PIEZO2: variants seen among roughly 807,000 people sequenced by gnomAD.
PIEZO2 encodes piezo type mechanosensitive ion channel component 2, also known as piezo-type mechanosensitive ion channel component 2.
A neutral mutation model predicts 337.3 loss-of-function variants in PIEZO2; 172 were observed. The observed-to-expected ratio is 0.51, with a 90% CI of 0.45 to 0.58. PIEZO2 has a LOEUF of 0.58. Among genes scored for constraint, PIEZO2 ranks in the 20% least tolerant of loss-of-function variants. The pLI, the probability that PIEZO2 is intolerant of heterozygous loss-of-function variation, is 0.00. For missense variants in PIEZO2, 3,028 were observed against 3,391.3 expected (o/e 0.89, Z 2.66); for synonymous variants, 1,251 against 1,228.5 (o/e 1.02, Z -0.38).
At chr18:10,691,153 G>A (rs2034804266) in intron 48 of PIEZO2, 72 bp downstream of exon 48, 2 of 1,504,294 alleles carry the variant, frequency 1.3e-6, no homozygotes. Context: ...TTACTTCCCA[G>A]TTGGGAATCA....
chr18:11,135,962 G>A (rs1289812479), intron 1 of PIEZO2, among the ~76,000 whole-genome samples: 1 of 152,196 alleles, frequency 6.6e-6, no homozygotes, highest in African/African-American at 2.4e-5. Flanking sequence ...ATAAGGATAA[G>A]ATAATATCTG....
chr18:11,057,948 T>A (rs753423689), intron 2 of PIEZO2, among the ~76,000 whole-genome samples: 1 of 152,228 alleles, frequency 6.6e-6, no homozygotes, highest in African/African-American at 2.4e-5. Context: ...AACATAGGCA[T>A]GGGAAAGCAT....
Position 10,973,205 on chromosome 18 carries a change from C to T in PIEZO2, c.286+6330G>A, listed in dbSNP as rs770959418. On this transcript the variant is annotated intron_variant, in intron 3 of 55. Coordinates refer to ENST00000674853, the MANE Select transcript of PIEZO2 (RefSeq NM_001378183.1). The surrounding 1 kb of genome is among the most constrained non-coding windows in gnomAD (Gnocchi z 4.9). ...GGCATTGGCCTAAGGGTTGTTCATA[C>T]GGGTGGGTGTCATGCAGTGCTACCA... 2.6e-4 allele frequency among the ~76,000 whole-genome samples: 40 copies of T among 152,308 alleles called. 1 individual carries two copies. The highest frequency in any genetic ancestry group is 2.1e-3 in the Admixed American group (32 of 15,304).
chr18:10,778,449 T>C (rs1389848239), intron 18 of PIEZO2, among the ~76,000 whole-genome samples: 1 of 150,960 alleles, frequency 6.6e-6, no homozygotes, highest in Non-Finnish European at 1.5e-5. Context: ...TCTCCTCCCT[T>C]AGCCTCCCGA....
At chr18:10,790,723 T>TTG (rs1472530554) in intron 14 of PIEZO2, among the ~76,000 whole-genome samples, 3 of 133,442 alleles carry the variant, frequency 2.2e-5, no homozygotes, top group African/African-American at 8.8e-5. Flanking sequence ...TTTTTTTTTT[T>TTG]GAGAGGGAGA....
intron 35 of PIEZO2, among the ~76,000 whole-genome samples, chr18:10,734,100 T>C (rs371965652): frequency 8.9e-4 from 136 of 152,346 alleles, no homozygotes; most frequent in African/African-American, 2.8e-3. Context: ...ACCTTCTTTA[T>C]GTTGTCTGTA....
chr18:10,750,656 G>A lies in PIEZO2; in HGVS notation c.4168-469C>T, dbSNP rs2037612320. 6.6e-6 allele frequency among the ~76,000 whole-genome samples: 1 copy of A among 152,136 alleles called. No individual in the cohort carries two copies. The highest frequency in any genetic ancestry group is 1.5e-5 in the Non-Finnish European group (1 of 68,022). On this transcript the variant is annotated intron_variant, in intron 28 of 55. Transcript: ENST00000674853. This position sits in a 1 kb window ranked among gnomAD's most constrained non-coding sequence, Gnocchi z 4.1. ...AGAGTATGTGTTTTGAGTCTTGTTT[G>A]ACCAATTCTCTCGGTAAAGGAGTAT...
rs911020897 is a variant in PIEZO2 at position 11,047,863 on chromosome 18, G to T, written c.160+18264C>A. Among the ~76,000 whole-genome samples, 1 of 152,156 alleles carries T rather than the reference G, an allele frequency of 6.6e-6. No individual in the cohort carries two copies. The highest frequency in any genetic ancestry group is 1.5e-5 in the Non-Finnish European group (1 of 68,030). ...TGATGTTTGAGGGTGACATTCCTTT[G>T]CACCTAAGTGCAAAGGGACCTGTAA... is the stretch of plus-strand genomic sequence containing the variant. On this transcript the variant is annotated intron_variant, in intron 2 of 55. Transcript: ENST00000674853. The surrounding 1 kb of genome is among the most constrained non-coding windows in gnomAD (Gnocchi z 7.2).
At chr18:10,695,018 C>A (rs1463540628) in intron 47 of PIEZO2, among the ~76,000 whole-genome samples, 2 of 152,192 alleles carry the variant, frequency 1.3e-5, no homozygotes, top group Non-Finnish European at 2.9e-5. Flanking sequence ...ATCAGATATG[C>A]TTATTAAAAA....
At chr18:10,700,952 G>A (rs1426309703) in intron 43 of PIEZO2, among the ~76,000 whole-genome samples, 2 of 152,208 alleles carry the variant, frequency 1.3e-5, no homozygotes, top group Non-Finnish European at 2.9e-5. Context: ...ATGGAAGCTA[G>A]AGTGAGGAGG....
intron 54 of PIEZO2, among the ~76,000 whole-genome samples, chr18:10,674,704 G>T (rs2033916951): frequency 6.6e-6 from 1 of 152,260 alleles, no homozygotes; most frequent in Non-Finnish European, 1.5e-5. Context: ...AAGCCATGAA[G>T]TCAAGCAATT....
rs1484332016 is a variant in PIEZO2 at position 10,888,957 on chromosome 18, G to A, written c.330-17542C>T. Among the ~76,000 whole-genome samples, 3 of 152,036 alleles carry A rather than the reference G, an allele frequency of 2.0e-5. No homozygotes were observed. Among genetic ancestry groups the A allele is most frequent in the Non-Finnish European group, 4.4e-5 (3 of 68,028 alleles). On this transcript the variant is annotated intron_variant, in intron 4 of 55. Coordinates refer to ENST00000674853, the MANE Select transcript of PIEZO2 (RefSeq NM_001378183.1). This position sits in a 1 kb window ranked among gnomAD's most constrained non-coding sequence, Gnocchi z 4.1. ...ATGCTGCTACAGCCAACAGTTCAAGGGGTCATTTCATGATCCTAATGTGCA... is the reference window on the plus strand; with the variant it reads ...ATGCTGCTACAGCCAACAGTTCAAGAGGTCATTTCATGATCCTAATGTGCA...
At chr18:10,995,985 A>G (rs1281698922) in intron 2 of PIEZO2, among the ~76,000 whole-genome samples, 1 of 152,230 alleles carries the variant, frequency 6.6e-6, no homozygotes, top group Non-Finnish European at 1.5e-5. Flanking sequence ...AAATAACTAA[A>G]ATATCTTGTG....
intron 4 of PIEZO2, among the ~76,000 whole-genome samples, chr18:10,873,758 G>A (rs116452485): frequency 0.014 from 2,101 of 152,092 alleles, 53 homozygotes; most frequent in African/African-American, 0.048. Flanking sequence ...AATCTAATCA[G>A]ATTTGCTTTA....
chr18:11,118,396 C>T (rs1568388849), intron 1 of PIEZO2, among the ~76,000 whole-genome samples: 1 of 152,122 alleles, frequency 6.6e-6, no homozygotes, highest in Non-Finnish European at 1.5e-5. Flanking sequence ...AGTGACAACT[C>T]TGAGATGTGT....
chr18:10,986,781 T>G (rs1315394550), intron 2 of PIEZO2, among the ~76,000 whole-genome samples: 1 of 151,960 alleles, frequency 6.6e-6, no homozygotes, highest in Non-Finnish European at 1.5e-5. Context: ...ATTAAATTGT[T>G]CCTGTTTTTA....
At position 10,758,017 on chromosome 18, in the gene PIEZO2, G is replaced by A. The variant is rs562558535; in HGVS notation, c.3875C>T (p.Ala1292Val). Residue 1292 changes from alanine to valine, a missense_variant, in exon 27 of 56, where the codon GCG becomes GTG. Coordinates refer to ENST00000674853, the MANE Select transcript of PIEZO2 (RefSeq NM_001378183.1). ...AGGGTTATGTTGGCTGAAGGAGGCC[G>A]CATCAAGGTTCATGCAGATCTCGAC... ...DNVEICMNLDAASFSQHNPVP... is the reference protein window; with the variant it reads ...DNVEICMNLDVASFSQHNPVP... The A allele has an allele frequency of 6.5e-6, 10 of 1,536,878 alleles. No individual in the cohort carries two copies. Among genetic ancestry groups the A allele is most frequent in the South Asian group, 3.6e-5 (3 of 84,030 alleles).
rs1474728742 is a variant in PIEZO2, at chr18:10,953,991, C to T, written c.286+25544G>A. Reference sequence around the variant, plus strand: ...GTGCAGCTGGTTCAGCACAGGGTCACATCTGCTGAAAGCAGGGAACTCACA... The same window carrying T: ...GTGCAGCTGGTTCAGCACAGGGTCATATCTGCTGAAAGCAGGGAACTCACA... On this transcript the variant is annotated intron_variant, in intron 3 of 55. Transcript: ENST00000674853. This position sits in a 1 kb window ranked among gnomAD's most constrained non-coding sequence, Gnocchi z 5.2. Among the ~76,000 whole-genome samples, 1 of 152,226 alleles carries T rather than the reference C, an allele frequency of 6.6e-6. No homozygotes were observed. Among genetic ancestry groups the T allele is most frequent in the African/African-American group, 2.4e-5 (1 of 41,460 alleles).
Position 10,685,108 on chromosome 18 carries a change from A to G in PIEZO2, c.7498-2816T>C, listed in dbSNP as rs150049166. Among the ~76,000 whole-genome samples, 50 of 152,172 alleles carry G rather than the reference A, an allele frequency of 3.3e-4. No homozygotes were observed. In the East Asian group the frequency reaches 7.5e-3, roughly 23 times the overall value. ...CTGCACTGTGTGTGCTCGGACCAAC[A>G]TTTTGCCTTTCAGGTTATTGCTCTT... On this transcript the variant is annotated intron_variant, in intron 49 of 55. Transcript: ENST00000674853.
Sources: gnomAD v4.1 joint callset for allele counts (sites outside exome capture counted in the v4.1 genomes callset) on GRCh38, gnomAD v4.1.1 for gene constraint, Gnocchi (gnomAD v3.1) non-coding constraint, MANE v1.5 for transcripts, NCBI Gene and HGNC (gene_info 2026-07-23, HGNC 2026-07-21) for gene names.